Variants in GRIP1 observed in about 807,000 individuals in gnomAD.
GRIP1 encodes glutamate receptor interacting protein 1.
GRIP1 carries 45 observed loss-of-function variants against 129.9 expected under a neutral mutation model. That is an observed-to-expected ratio of 0.35 (90% CI 0.27 to 0.44). The LOEUF (loss-of-function observed/expected upper bound fraction) is 0.44, where lower values mean the gene tolerates loss of function less well. Among genes scored for constraint, GRIP1 ranks in the 20% least tolerant of loss-of-function variants. The pLI is 1.00. For missense variants in GRIP1, 1,196 were observed against 1,396.8 expected, an observed-to-expected ratio of 0.86 and a Z score of 2.29; for synonymous variants, 530 against 520.8, an observed-to-expected ratio of 1.02 and a Z score of -0.24.
At chr12:66,800,825 G>A (rs2038836327) in intron 1 of GRIP1, among the ~76,000 whole-genome samples, 1 of 151,760 alleles carries the variant, frequency 6.6e-6, no homozygotes, top group South Asian at 2.1e-4. Context: ...ATCTTTGTGA[G>A]AATTTCAAAA....
At chr12:66,533,647 A>G (rs2061518953) in intron 4 of GRIP1, among the ~76,000 whole-genome samples, 1 of 152,118 alleles carries the variant, frequency 6.6e-6, no homozygotes, top group African/African-American at 2.4e-5. Flanking sequence ...CTCCATCTCA[A>G]AACAAACAAA....
intron 2 of GRIP1, among the ~76,000 whole-genome samples, chr12:66,585,065 T>C (rs1157125220): frequency 6.6e-6 from 1 of 152,112 alleles, no homozygotes; most frequent in African/African-American, 2.4e-5. Context: ...TTTATTATTT[T>C]ATCAATTATG....
rs561860755 is a variant in GRIP1 at position 66,610,983 on chromosome 12, T to C, written c.56-14056A>G. The stretch of plus-strand genomic sequence containing the variant: ...CCTTCACATTTCTCCACTGTATAAC[T>C]ATAGCCTTTATTGGCTTCTCTTTTG... On this transcript the variant is annotated intron_variant, in intron 1 of 24. Coordinates refer to ENST00000359742, the MANE Select transcript of GRIP1 (RefSeq NM_001366722.1). Among the ~76,000 whole-genome samples the C allele has an allele frequency of 2.0e-5, 3 of 152,310 alleles. No homozygotes were observed. In the South Asian group the frequency reaches 6.2e-4, roughly 32 times the overall value.
At chr12:67,044,838 G>A (rs1327505511) in intron 1 of GRIP1, among the ~76,000 whole-genome samples, 2 of 152,144 alleles carry the variant, frequency 1.3e-5, no homozygotes, top group East Asian at 1.9e-4. Context: ...TAATCCAGAA[G>A]GAGAGACTGA....
At chr12:66,464,097 T>C (rs2059214185) in intron 8 of GRIP1, among the ~76,000 whole-genome samples, 1 of 152,146 alleles carries the variant, frequency 6.6e-6, no homozygotes, top group South Asian at 2.1e-4. Flanking sequence ...GCTGGAAACA[T>C]ACAGGGGAGA....
chr12:66,743,008 CT>C (rs2036836017), intron 1 of GRIP1, among the ~76,000 whole-genome samples: 1 of 152,194 alleles, frequency 6.6e-6, no homozygotes, highest in Admixed American at 6.5e-5. Context: ...AAACAGCAGC[CT>C]TTCCTGATTG....
intron 1 of GRIP1, among the ~76,000 whole-genome samples, chr12:66,889,188 G>A (rs967635576): frequency 3.9e-5 from 6 of 152,170 alleles, no homozygotes; most frequent in Non-Finnish European, 5.9e-5. Context: ...GGCCAGGTGC[G>A]GCAGCTCACG....
At chr12:66,783,033 G>T (rs1187531466) in intron 1 of GRIP1, among the ~76,000 whole-genome samples, 1 of 152,052 alleles carries the variant, frequency 6.6e-6, no homozygotes, top group African/African-American at 2.4e-5. Context: ...AAAGGCAAAT[G>T]AGTAAAGGTA....
At chr12:66,492,407 T>A (rs565742835) in intron 7 of GRIP1, among the ~76,000 whole-genome samples, 255 of 152,252 alleles carry the variant, frequency 1.7e-3, no homozygotes, top group Middle Eastern at 3.4e-3. Flanking sequence ...AGATTTTTTT[T>A]AATAAAAAGA....
At chr12:66,711,034 A>G (rs1275611989) in intron 1 of GRIP1, among the ~76,000 whole-genome samples, 1 of 151,888 alleles carries the variant, frequency 6.6e-6, no homozygotes, top group East Asian at 1.9e-4. Context: ...CATAGAGAGT[A>G]TCTTTTCCTT....
intron 1 of GRIP1, among the ~76,000 whole-genome samples, chr12:66,973,863 T>C (rs1234594496): frequency 6.6e-6 from 1 of 151,896 alleles, no homozygotes. Flanking sequence ...GCATATTGAA[T>C]ATTGAACTCT....
Position 66,347,631 on chromosome 12 carries a change from T to C in GRIP1, c.*1388A>G, listed in dbSNP as rs1256920799. On this transcript the variant is annotated 3_prime_UTR_variant, in exon 25 of 25. Transcript: ENST00000359742. Reference sequence around the variant, plus strand: ...AATACTTGTTTGTTACAAATAAAAATACATATTTAAGTGACTCATGATCTT... The same window carrying C: ...AATACTTGTTTGTTACAAATAAAAACACATATTTAAGTGACTCATGATCTT... 6.6e-6 allele frequency: 1 copy of C among 152,212 alleles called. No individual in the cohort carries two copies. Among genetic ancestry groups the C allele is most frequent in the Non-Finnish European group, 1.5e-5 (1 of 68,040 alleles). The allele number at this position is 152,212 out of a possible 1,614,324, so 9.4% of individuals were successfully genotyped here. A position where few individuals can be genotyped will look rare whatever the true frequency, so the allele number is the denominator to read the frequency against.
chr12:66,508,766 C>G (rs1308144628), intron 7 of GRIP1, among the ~76,000 whole-genome samples: 3 of 152,212 alleles, frequency 2.0e-5, no homozygotes, highest in Non-Finnish European at 4.4e-5. Flanking sequence ...GTTACAATTA[C>G]TCTACAGTGA....
intron 1 of GRIP1, among the ~76,000 whole-genome samples, chr12:66,753,806 TGTTTACTGAAAGTG>T (rs2037201483): frequency 6.6e-6 from 1 of 152,200 alleles, no homozygotes; most frequent in Non-Finnish European, 1.5e-5. Flanking sequence ...ACTCAATGAA[TGTTTACTGAAAGTG>T]GTTAAATGAC....
At chr12:66,515,181 G>A (rs926292301) in intron 7 of GRIP1, among the ~76,000 whole-genome samples, 5 of 151,708 alleles carry the variant, frequency 3.3e-5, no homozygotes, top group African/African-American at 1.2e-4. Context: ...ATAAATGGTC[G>A]TTTCTATTAT....
chr12:66,419,124 G>A lies in GRIP1; in HGVS notation c.1838+1596C>T, dbSNP rs188686939. ...GTTCCATTCAGCCATAAAAAAGAAC[G>A]AGATCCTGTCATTTGCAATGCATTA... On this transcript the variant is annotated intron_variant, in intron 15 of 24. Coordinates refer to ENST00000359742, the MANE Select transcript of GRIP1 (RefSeq NM_001366722.1). Among the ~76,000 whole-genome samples the A allele has an allele frequency of 7.4e-4, 112 of 152,086 alleles. 1 individual carries two copies. The highest frequency in any genetic ancestry group is 6.4e-3 in the South Asian group (31 of 4,826).
chr12:66,644,832 T>C (rs571850688), intron 1 of GRIP1, among the ~76,000 whole-genome samples: 3 of 152,318 alleles, frequency 2.0e-5, no homozygotes, highest in South Asian at 4.1e-4. Flanking sequence ...TACAATACTA[T>C]GGTAAATGTT....
intron 23 of GRIP1, among the ~76,000 whole-genome samples, chr12:66,358,381 G>A (rs1283334188): frequency 1.3e-5 from 2 of 152,142 alleles, no homozygotes; most frequent in Non-Finnish European, 2.9e-5. Context: ...CCCCGATCTG[G>A]AATCAGCTAT....
intron 7 of GRIP1, among the ~76,000 whole-genome samples, chr12:66,472,275 G>T (rs1220737012): frequency 6.6e-6 from 1 of 152,148 alleles, no homozygotes; most frequent in Non-Finnish European, 1.5e-5. Context: ...TTGAAAGGTA[G>T]TGGGGATTCA....
Sources: gnomAD v4.1 joint callset for allele counts (sites outside exome capture counted in the v4.1 genomes callset) on GRCh38, gnomAD v4.1.1 for gene constraint, MANE v1.5 for transcripts, NCBI Gene and HGNC (gene_info 2026-07-23, HGNC 2026-07-21) for gene names.